The following CDH13 variants were observed in gnomAD, a reference collection of about 807,000 sequenced individuals.
CDH13 encodes the protein cadherin-13.
In CDH13, 24 loss-of-function variants were observed where a neutral mutation model predicts 63.8. That is an observed-to-expected ratio of 0.38 (90% CI 0.27 to 0.53). CDH13 has a LOEUF of 0.53. Ranked by LOEUF, CDH13 falls within the 20% of genes least tolerant of loss-of-function variation. CDH13 has a pLI of 0.85. For synonymous variants in CDH13, 503 were observed against 355.3 expected (o/e 1.42, Z -4.67); for missense variants, 1,049 against 903.1 (o/e 1.16, Z -2.07).
intron 1 of CDH13, among the ~76,000 whole-genome samples, chr16:82,720,874 G>A (rs2032728951): frequency 6.6e-6 from 1 of 152,144 alleles, no homozygotes; most frequent in African/African-American, 2.4e-5. Flanking sequence ...AGTCTCCTGT[G>A]CCTGAAACAA....
intron 1 of CDH13, among the ~76,000 whole-genome samples, chr16:82,651,527 G>A (rs1170899632): frequency 6.6e-6 from 1 of 152,202 alleles, no homozygotes; most frequent in Non-Finnish European, 1.5e-5. Flanking sequence ...TATATGGGTG[G>A]CGTATCTTCT....
intron 3 of CDH13, among the ~76,000 whole-genome samples, chr16:83,065,353 G>C (rs1405769145): frequency 6.6e-6 from 1 of 152,082 alleles, no homozygotes; most frequent in Non-Finnish European, 1.5e-5. Context: ...TACAAAGATG[G>C]GTAAGATGGG....
chr16:83,632,146 G>A (rs1910831251), intron 8 of CDH13, among the ~76,000 whole-genome samples: 2 of 152,170 alleles, frequency 1.3e-5, no homozygotes, highest in Non-Finnish European at 2.9e-5. Context: ...GAGCTTTTAT[G>A]TTTCCTCATT....
At chr16:83,304,504 A>G (rs2089828431) in intron 5 of CDH13, among the ~76,000 whole-genome samples, 2 of 152,184 alleles carry the variant, frequency 1.3e-5, no homozygotes, top group Admixed American at 6.5e-5. Context: ...GAAAATCAGA[A>G]TCTAAGAGCT....
chr16:82,691,124 G>C (rs7205463), intron 1 of CDH13, among the ~76,000 whole-genome samples: 2 of 152,172 alleles, frequency 1.3e-5, no homozygotes, highest in Admixed American at 6.5e-5. Context: ...TGGACTCAGA[G>C]ATATAACAAT....
At chr16:83,646,019 C>T (rs560803710) in intron 8 of CDH13, among the ~76,000 whole-genome samples, 4 of 152,290 alleles carry the variant, frequency 2.6e-5, no homozygotes, top group East Asian at 1.9e-4. Context: ...CATCCAGCCT[C>T]GCCCCGTTGG....
chr16:83,074,435 G>A (rs557599391), intron 3 of CDH13, among the ~76,000 whole-genome samples: 185 of 152,188 alleles, frequency 1.2e-3, no homozygotes, highest in African/African-American at 3.7e-3. Flanking sequence ...CTTTGCTATC[G>A]TAGATAGTGC....
chr16:83,169,673 A>G (rs1424359816), intron 4 of CDH13, among the ~76,000 whole-genome samples: 1 of 151,704 alleles, frequency 6.6e-6, no homozygotes, highest in Non-Finnish European at 1.5e-5. Context: ...CCCACTACTT[A>G]TTGTGGATAT....
chr16:83,671,697 A>C (rs1369061344), intron 9 of CDH13, among the ~76,000 whole-genome samples: 1 of 152,200 alleles, frequency 6.6e-6, no homozygotes, highest in African/African-American at 2.4e-5. Context: ...TAGTGAGCTC[A>C]ATTATTCCTT....
At chr16:83,574,874 A>G (rs1247126347) in intron 7 of CDH13, among the ~76,000 whole-genome samples, 2 of 152,206 alleles carry the variant, frequency 1.3e-5, no homozygotes, top group Admixed American at 6.5e-5. Context: ...ATGAAAAGTA[A>G]TTTCTAAAGG....
At chr16:83,016,959 C>T (rs1436461352) in intron 2 of CDH13, among the ~76,000 whole-genome samples, 1 of 152,120 alleles carries the variant, frequency 6.6e-6, no homozygotes, top group Non-Finnish European at 1.5e-5. Flanking sequence ...TTGATGCGAT[C>T]TTGGGATGTG....
chr16:83,026,854 A>G (rs1915853152), intron 2 of CDH13, among the ~76,000 whole-genome samples: 2 of 152,166 alleles, frequency 1.3e-5, no homozygotes, highest in Non-Finnish European at 2.9e-5. Context: ...TTTTACTGGC[A>G]TCTTTGGGAC....
chr16:82,693,431 C>A (rs1308625245), intron 1 of CDH13, among the ~76,000 whole-genome samples: 1 of 152,216 alleles, frequency 6.6e-6, no homozygotes, highest in Non-Finnish European at 1.5e-5. Flanking sequence ...TTGCTGAAAG[C>A]AACATCCTCA....
intron 3 of CDH13, among the ~76,000 whole-genome samples, chr16:83,035,365 G>C (rs1423812745): frequency 6.6e-6 from 1 of 152,136 alleles, no homozygotes; most frequent in East Asian, 1.9e-4. Context: ...AGAGGGGAGA[G>C]GTCAAGGGGA....
At chr16:82,678,624 A>G (rs1439856215) in intron 1 of CDH13, among the ~76,000 whole-genome samples, 3 of 152,152 alleles carry the variant, frequency 2.0e-5, no homozygotes, top group Non-Finnish European at 4.4e-5. Flanking sequence ...ATTTACTAAG[A>G]AATATTTGGA....
At chr16:83,667,024 TGG>T in intron 8 of CDH13, among the ~76,000 whole-genome samples, 1 of 47,436 alleles carries the variant, frequency 2.1e-5, no homozygotes, top group Middle Eastern at 0.016. Flanking sequence ...GATGGATGGA[TGG>T]ATGGGTGGAT....
chr16:82,860,465 T>C (rs761343504), intron 2 of CDH13, among the ~76,000 whole-genome samples: 1 of 149,574 alleles, frequency 6.7e-6, no homozygotes, highest in African/African-American at 2.5e-5. Flanking sequence ...TGCTTCTGGG[T>C]AAGCTAGTAA....
At chr16:82,860,599 T>A (rs1396638990) in intron 2 of CDH13, among the ~76,000 whole-genome samples, 1 of 151,688 alleles carries the variant, frequency 6.6e-6, no homozygotes, top group East Asian at 1.9e-4. Flanking sequence ...AAAATTTGAT[T>A]AGCCCCTCTT....
intron 11 of CDH13, among the ~76,000 whole-genome samples, chr16:83,766,782 C>G (rs1914418855): frequency 6.6e-6 from 1 of 152,026 alleles, no homozygotes; most frequent in African/African-American, 2.4e-5. Context: ...ATGTCAAGGG[C>G]AGGACCAGGT....
Sources: gnomAD v4.1 joint callset for allele counts (sites outside exome capture counted in the v4.1 genomes callset) on GRCh38, gnomAD v4.1.1 for gene constraint, MANE v1.5 for transcripts, NCBI Gene and HGNC (gene_info 2026-07-23, HGNC 2026-07-21) for gene names.